CYP2J2: variants seen among roughly 807,000 people sequenced by gnomAD.
CYP2J2 encodes cytochrome P450 family 2 subfamily J member 2, also known as cytochrome P450 2J2.
Under a neutral mutation model 48.8 loss-of-function variants are expected in CYP2J2, and 41 were observed. The observed-to-expected ratio is 0.84, with a 90% CI of 0.66 to 1.09. CYP2J2 has a LOEUF of 1.09. CYP2J2 is among the 50% of genes least tolerant of loss of function. The pLI, the probability that CYP2J2 is intolerant of heterozygous loss-of-function variation, is 0.00. For synonymous variants in CYP2J2, 221 were observed against 227.1 expected (o/e 0.97, Z 0.24); for missense variants, 644 against 617.3 (o/e 1.04, Z -0.46).
At chr1:59,897,016 C>T (rs1644275395) in intron 8 of CYP2J2, among the ~76,000 whole-genome samples, 1 of 152,090 alleles carries the variant, frequency 6.6e-6, no homozygotes, top group Admixed American at 6.6e-5. Flanking sequence ...TTGTCTGTAA[C>T]AGGTTGTTAA....
At chr1:59,906,262 T>C (rs975633598) in intron 6 of CYP2J2, among the ~76,000 whole-genome samples, 3 of 152,248 alleles carry the variant, frequency 2.0e-5, no homozygotes, top group Non-Finnish European at 2.9e-5. Context: ...GCAGAAGTGA[T>C]GTTTAATCCT....
chr1:59,922,034 C>T (rs1029112821), intron 1 of CYP2J2, among the ~76,000 whole-genome samples: 3 of 152,174 alleles, frequency 2.0e-5, no homozygotes, highest in East Asian at 1.9e-4. Context: ...GTATATCCAG[C>T]GCACTGGCGG....
chr1:59,912,034 G>A, intron 3 of CYP2J2, 128 bp downstream of exon 3: 2 of 1,073,648 alleles, frequency 1.9e-6, no homozygotes, highest in Non-Finnish European at 2.6e-6. Flanking sequence ...GGACAGAGTT[G>A]TTCACTGTTC....
intron 8 of CYP2J2, among the ~76,000 whole-genome samples, chr1:59,896,179 T>A (rs1644267106): frequency 6.6e-6 from 1 of 152,116 alleles, no homozygotes; most frequent in South Asian, 2.1e-4. Context: ...GATCTGGGCA[T>A]TAGGCATGCT....
chr1:59,927,170 G>C (rs1301940708), upstream of CYP2J2, among the ~76,000 whole-genome samples: 3 of 152,070 alleles, frequency 2.0e-5, no homozygotes, highest in African/African-American at 7.2e-5. Flanking sequence ...AGAAGCTCTC[G>C]GTAGTCTCAT....
At chr1:59,923,931 G>A (rs1644539279) in intron 1 of CYP2J2, among the ~76,000 whole-genome samples, 2 of 152,098 alleles carry the variant, frequency 1.3e-5, no homozygotes, top group Non-Finnish European at 2.9e-5. Flanking sequence ...ACTGGCAAAA[G>A]AGAAATCTAT....
At chr1:59,926,507 G>A in intron 1 of CYP2J2, 30 bp downstream of exon 1, 7 of 1,583,920 alleles carry the variant, frequency 4.4e-6, no homozygotes, top group Non-Finnish European at 6.1e-6. Context: ...TTAGGGTCAG[G>A]ACACGCTAGG....
At chr1:59,942,708 G>A in the CYP2J2 span, among the ~76,000 whole-genome samples, 1 of 152,038 alleles carries the variant, frequency 6.6e-6, no homozygotes, top group Admixed American at 6.6e-5. Context: ...GGATGGCATT[G>A]GCTTAGATTA....
upstream of CYP2J2, among the ~76,000 whole-genome samples, chr1:59,930,536 A>G (rs1644597982): frequency 6.6e-6 from 1 of 152,110 alleles, no homozygotes; most frequent in African/African-American, 2.4e-5. Context: ...TTGTTCATTT[A>G]TATATCTTCT....
At chr1:59,903,474 C>T (rs538599766) in intron 7 of CYP2J2, among the ~76,000 whole-genome samples, 22 of 152,196 alleles carry the variant, frequency 1.4e-4, no homozygotes, top group Admixed American at 4.6e-4. Flanking sequence ...AGGTAAACAT[C>T]GGATAGACAT....
chr1:59,965,057 A>T, the CYP2J2 span, among the ~76,000 whole-genome samples: 7 of 152,254 alleles, frequency 4.6e-5, 1 homozygote, highest in African/African-American at 1.7e-4. Flanking sequence ...TGATAACATA[A>T]TTATGAGTAT....
At chr1:59,896,804 A>G (rs1644273891) in intron 8 of CYP2J2, among the ~76,000 whole-genome samples, 2 of 152,260 alleles carry the variant, frequency 1.3e-5, no homozygotes, top group Non-Finnish European at 2.9e-5. Context: ...AGACAAAACC[A>G]TAAAATGTTT....
chr1:59,898,638 A>C (rs1380184728), intron 8 of CYP2J2, among the ~76,000 whole-genome samples: 1 of 152,252 alleles, frequency 6.6e-6, no homozygotes, highest in East Asian at 1.9e-4. Flanking sequence ...AGTAAGCTAC[A>C]TTCTAGTCGT....
chr1:59,901,205 A>G (rs1644316949), intron 7 of CYP2J2, 102 bp from the exon 8 acceptor site: 1 of 1,226,412 alleles, frequency 8.2e-7, no homozygotes, highest in Non-Finnish European at 1.2e-6. Context: ...GGGCCTGAAC[A>G]TACTGCCCCA....
At chr1:59,934,081 C>G in the CYP2J2 span, among the ~76,000 whole-genome samples, 1 of 152,088 alleles carries the variant, frequency 6.6e-6, no homozygotes, top group African/African-American at 2.4e-5. Context: ...GAAACAAATC[C>G]ATGCATATAT....
At chr1:59,948,338 C>T in the CYP2J2 span, among the ~76,000 whole-genome samples, 505 of 152,302 alleles carry the variant, frequency 3.3e-3, 1 homozygote, top group African/African-American at 0.012. Context: ...CCCCTGATGG[C>T]TGTCCATCAC....
the CYP2J2 span, among the ~76,000 whole-genome samples, chr1:59,936,750 C>G: frequency 2.0e-5 from 3 of 152,190 alleles, no homozygotes; most frequent in Non-Finnish European, 4.4e-5. Flanking sequence ...CAAAGGCTCA[C>G]TGTCCCACGA....
At chr1:59,935,015 CATATATATATATATAT>C in the CYP2J2 span, among the ~76,000 whole-genome samples, 10 of 47,506 alleles carry the variant, frequency 2.1e-4, no homozygotes, top group South Asian at 1.4e-3. Flanking sequence ...TATATATATA[CATATATATATATATAT>C]ATATATATAT....
the CYP2J2 span, among the ~76,000 whole-genome samples, chr1:59,942,201 A>G: frequency 6.6e-6 from 1 of 152,216 alleles, no homozygotes; most frequent in African/African-American, 2.4e-5. Context: ...AAAATAAAAT[A>G]AAGCTATGTG....
Sources: gnomAD v4.1 joint callset for allele counts (sites outside exome capture counted in the v4.1 genomes callset) on GRCh38, gnomAD v4.1.1 for gene constraint, MANE v1.5 for transcripts, NCBI Gene and HGNC (gene_info 2026-07-23, HGNC 2026-07-21) for gene names.